ACAN: variants seen among roughly 807,000 people sequenced by gnomAD.
ACAN encodes aggrecan.
In ACAN, 47 loss-of-function variants were observed where a neutral mutation model predicts 169.1. The ratio of observed to expected loss-of-function variants is 0.28; its 90% confidence interval spans 0.22 to 0.35. The LOEUF is 0.35. Among genes scored for constraint, ACAN ranks in the 10% least tolerant of loss-of-function variants. ACAN has a pLI of 1.00. For missense variants in ACAN, 2,716 were observed against 2,759.9 expected (o/e 0.98, Z 0.36); for synonymous variants, 1,115 against 1,112.2 (o/e 1.00, Z -0.05).
Position 88,839,207 on chromosome 15 carries a change from T to C in ACAN, c.454+161T>C, listed in dbSNP as rs1896588041. Among the ~76,000 whole-genome samples the C allele has an allele frequency of 6.6e-6, 1 of 152,244 alleles. No individual in the cohort carries two copies. The highest frequency in any genetic ancestry group is 6.5e-5 in the Admixed American group (1 of 15,288). On this transcript the variant is annotated intron_variant, in intron 3 of 18. Coordinates refer to ENST00000560601, the MANE Select transcript of ACAN (RefSeq NM_001369268.1). This position sits in a 1 kb window ranked among gnomAD's most constrained non-coding sequence, Gnocchi z 4.5. ...TGCTTCCTCTGTGACATGGAGCTGG[T>C]AATATCATTCTCTCTGGACTTAGGG...
Position 88,855,522 on chromosome 15 carries a change from A to C in ACAN, c.2937A>C (p.Gly979=), listed in dbSNP as rs1401929321. The change falls in exon 12 of 19, where the codon GGA becomes GGC. Residue 979 remains glycine, a synonymous_variant. Transcript: ENST00000560601. ...GVGDLSGLPS[G]EVLETTAPGV... is the part of the protein sequence containing the mutation. The stretch of plus-strand genomic sequence containing the variant: ...GAGACCTCAGTGGGCTTCCTTCTGG[A>C]GAAGTTCTAGAGACCACTGCCCCTG... The C allele has an allele frequency of 6.2e-7, 1 of 1,613,568 alleles. No homozygotes were observed. The highest frequency in any genetic ancestry group is 8.5e-7 in the Non-Finnish European group (1 of 1,179,868).
intron 1 of ACAN, among the ~76,000 whole-genome samples, chr15:88,808,182 C>A (rs984348077): frequency 6.6e-6 from 1 of 152,214 alleles, no homozygotes; most frequent in Non-Finnish European, 1.5e-5. Flanking sequence ...GTCCCCAGAT[C>A]ACAGATGCCC....
intron 4 of ACAN, among the ~76,000 whole-genome samples, chr15:88,840,942 A>G (rs1896641165): frequency 6.6e-6 from 1 of 152,118 alleles, no homozygotes; most frequent in African/African-American, 2.4e-5. Context: ...CAGGAGATCG[A>G]GACCATCCTA....
chr15:88,820,540 T>G (rs1186755470), intron 1 of ACAN, among the ~76,000 whole-genome samples: 1 of 152,206 alleles, frequency 6.6e-6, no homozygotes, highest in Non-Finnish European at 1.5e-5. Flanking sequence ...CACTTGGACC[T>G]GCTCCTTTCT....
chr15:88,849,907 G>A lies in ACAN; in HGVS notation c.2026+176G>A. The A allele has an allele frequency of 2.2e-6, 2 of 897,456 alleles. No homozygotes were observed. Among genetic ancestry groups the A allele is most frequent in the South Asian group, 2.8e-5 (2 of 71,200 alleles). The allele number at this position is 897,456 out of a possible 1,614,324, so 55.6% of individuals were successfully genotyped here. A position where few individuals can be genotyped will look rare whatever the true frequency, so the allele number is the denominator to read the frequency against. On this transcript the variant is annotated intron_variant, in intron 10 of 18. Coordinates refer to ENST00000560601, the MANE Select transcript of ACAN (RefSeq NM_001369268.1). This position sits in a 1 kb window ranked among gnomAD's most constrained non-coding sequence, Gnocchi z 5.1. ...ACGCAGGCTTTGACCCCAAGGCAAG[G>A]TCATCCTTCTAAAGTTCCCCAGAGA...
At chr15:88,806,247 C>T (rs1895679122) in intron 1 of ACAN, among the ~76,000 whole-genome samples, 1 of 152,234 alleles carries the variant, frequency 6.6e-6, no homozygotes, top group Non-Finnish European at 1.5e-5. Flanking sequence ...TCTCCTCTAA[C>T]AGCTCCTAAG....
chr15:88,806,132 C>A (rs536493054), intron 1 of ACAN, among the ~76,000 whole-genome samples: 2 of 152,262 alleles, frequency 1.3e-5, no homozygotes, highest in South Asian at 4.2e-4. Flanking sequence ...TTCCTCTTCT[C>A]TAAAAAGGGG....
chr15:88,873,692 G>A lies in ACAN; in HGVS notation c.7448-150G>A, dbSNP rs184795802. The A allele has an allele frequency of 2.2e-4, 171 of 760,476 alleles. 2 individuals are homozygous for A. Among genetic ancestry groups the A allele is most frequent in the African/African-American group, 2.2e-3 (125 of 56,942 alleles). 47.1% of individuals were successfully genotyped at this position (760,476 alleles called of 1,614,324 possible). The stretch of plus-strand genomic sequence containing the variant: ...GAGGAACCCAGATGTTACAGCCAGC[G>A]GCTTCCAGATTCTTAGCGCTGCATG... On this transcript the variant is annotated intron_variant, in intron 17 of 18. Transcript: ENST00000560601. The surrounding 1 kb of genome is among the most constrained non-coding windows in gnomAD (Gnocchi z 7.5).
rs562007837 is a variant in ACAN, at chr15:88,869,652, G to A, written c.7060+1323G>A. ...GTTCCAGACTGGAAAAGTGGGCTCT[G>A]CTGGAATGGAGGCAGGACCCTCACA... On this transcript the variant is annotated intron_variant, in intron 14 of 18. Transcript: ENST00000560601. This position sits in a 1 kb window ranked among gnomAD's most constrained non-coding sequence, Gnocchi z 4.2. Among the ~76,000 whole-genome samples, 1 of 152,156 alleles carries A rather than the reference G, an allele frequency of 6.6e-6. No homozygotes were observed. The highest frequency in any genetic ancestry group is 1.5e-5 in the Non-Finnish European group (1 of 68,036).
Position 88,858,564 on chromosome 15 carries a change from G to A in ACAN, c.5979G>A (p.Glu1993=), listed in dbSNP as rs774599873. The A allele has an allele frequency of 6.2e-7, 1 of 1,613,772 alleles. No homozygotes were observed. Among genetic ancestry groups the A allele is most frequent in the South Asian group, 1.1e-5 (1 of 91,088 alleles). The change falls in exon 12 of 19, where the codon GAG becomes GAA. Residue 1993 remains glutamate, a synonymous_variant. Transcript: ENST00000560601. The surrounding 1 kb of genome is among the most constrained non-coding windows in gnomAD (Gnocchi z 4.0). ...DLSGLQSGLI[E]PSGEPPGTPY... ...GTGGGCTGCAGTCCGGGCTGATAGA[G>A]CCCAGCGGAGAGCCACCAGGTACTC... is the stretch of plus-strand genomic sequence containing the variant.
At chr15:88,824,730 T>C (rs1896167445) in intron 1 of ACAN, among the ~76,000 whole-genome samples, 1 of 151,896 alleles carries the variant, frequency 6.6e-6, no homozygotes, top group South Asian at 2.1e-4. Context: ...AATACAAAAA[T>C]TAGCCAGACA....
rs754400446 is a variant in ACAN at position 88,868,849 on chromosome 15, G to C, written c.7060+520G>C. ...CTGAGATCTCCCGTGTCATCAGCAT[G>C]CTCAAGTCATGCATGAGCAAGGACT... On this transcript the variant is annotated intron_variant, in intron 14 of 18. Transcript: ENST00000560601. This position sits in a 1 kb window ranked among gnomAD's most constrained non-coding sequence, Gnocchi z 5.2. 3.3e-5 allele frequency among the ~76,000 whole-genome samples: 5 copies of C among 152,200 alleles called. No homozygotes were observed. Among genetic ancestry groups the C allele is most frequent in the Non-Finnish European group, 7.3e-5 (5 of 68,038 alleles).
Position 88,857,362 on chromosome 15 carries a change from AAAG to A in ACAN, c.4782_4784del (p.Glu1594del), listed in dbSNP as rs765715449. On this transcript the variant is annotated inframe_deletion, in exon 12 of 19. Coordinates refer to ENST00000560601, the MANE Select transcript of ACAN (RefSeq NM_001369268.1). ...GGACCTCAGTGGGTTGCCTTCTGGA[AAAG>A]AAGACTTGGTGGGGTCAGCTTCTGG... 1 of 1,613,932 alleles carries A rather than the reference AAAG, an allele frequency of 6.2e-7. No homozygotes were observed. Among genetic ancestry groups the A allele is most frequent in the South Asian group, 1.1e-5 (1 of 91,080 alleles).
chr15:88,810,186 G>T (rs1895785356), intron 1 of ACAN, among the ~76,000 whole-genome samples: 1 of 152,028 alleles, frequency 6.6e-6, no homozygotes, highest in Non-Finnish European at 1.5e-5. Flanking sequence ...CACCACGCAG[G>T]TCCCATTCCA....
intron 13 of ACAN, among the ~76,000 whole-genome samples, chr15:88,864,370 C>A (rs930511767): frequency 5.3e-5 from 8 of 151,772 alleles, no homozygotes; most frequent in African/African-American, 1.9e-4. Flanking sequence ...TGGGTTCAAG[C>A]GATTCTCCTG....
At position 88,874,917 on chromosome 15, in the gene ACAN, C is replaced by T. The variant is rs1270791796; in HGVS notation, c.*436C>T. 1 of 338,806 alleles carries T rather than the reference C, an allele frequency of 3.0e-6. No individual in the cohort carries two copies. Among genetic ancestry groups the T allele is most frequent in the African/African-American group, 2.2e-5 (1 of 46,466 alleles). 21.0% of individuals were successfully genotyped at this position (338,806 alleles called of 1,614,324 possible). On this transcript the variant is annotated 3_prime_UTR_variant, in exon 19 of 19. Coordinates refer to ENST00000560601, the MANE Select transcript of ACAN (RefSeq NM_001369268.1). The surrounding 1 kb of genome is among the most constrained non-coding windows in gnomAD (Gnocchi z 7.3). ...AGGAGGGAGGAGGGCTCCAAAGGAG[C>T]TGGAAGGAGCAGAGGCCTGAGAGCA... is the stretch of plus-strand genomic sequence containing the variant.
Position 88,874,306 on chromosome 15 carries a change from G to A in ACAN, c.7631-99G>A. 4.0e-6 allele frequency: 5 copies of A among 1,262,198 alleles called. No homozygotes were observed. Among genetic ancestry groups the A allele is most frequent in the Non-Finnish European group, 5.6e-6 (5 of 885,732 alleles). The allele number at this position is 1,262,198 out of a possible 1,614,324, so 78.2% of individuals were successfully genotyped here. A position where few individuals can be genotyped will look rare whatever the true frequency, so the allele number is the denominator to read the frequency against. On this transcript the variant is annotated intron_variant, in intron 18 of 18. Coordinates refer to ENST00000560601, the MANE Select transcript of ACAN (RefSeq NM_001369268.1). This position sits in a 1 kb window ranked among gnomAD's most constrained non-coding sequence, Gnocchi z 7.3. The stretch of plus-strand genomic sequence containing the variant: ...ATAAAGCCTCAGGCGCCTGAGTCCT[G>A]GTTTCCACAAGGGAGAGAGGGTAGT...
Position 88,868,049 on chromosome 15 carries a change from G to C in ACAN, c.6947-167G>C, listed in dbSNP as rs764280702. Reference sequence around the variant, plus strand: ...CTGGATCTTTGCTTCAGCACTCCAAGATGGCAGCAGCAGCAGCAGCAGCAG... The same window carrying C: ...CTGGATCTTTGCTTCAGCACTCCAACATGGCAGCAGCAGCAGCAGCAGCAG... On this transcript the variant is annotated intron_variant, in intron 13 of 18. Coordinates refer to ENST00000560601, the MANE Select transcript of ACAN (RefSeq NM_001369268.1). This position sits in a 1 kb window ranked among gnomAD's most constrained non-coding sequence, Gnocchi z 5.2. 3.3e-5 allele frequency among the ~76,000 whole-genome samples: 5 copies of C among 152,102 alleles called. No homozygotes were observed. The highest frequency in any genetic ancestry group is 7.3e-5 in the Non-Finnish European group (5 of 68,036).
At chr15:88,825,118 G>A (rs1289632644) in intron 1 of ACAN, among the ~76,000 whole-genome samples, 1 of 152,160 alleles carries the variant, frequency 6.6e-6, no homozygotes, top group East Asian at 1.9e-4. Flanking sequence ...GGGGTTGAGG[G>A]TTTGGGGAAT....
Sources: allele counts gnomAD v4.1 joint callset (sites outside exome capture counted in the v4.1 genomes callset), GRCh38; gene constraint gnomAD v4.1.1; non-coding constraint Gnocchi (gnomAD v3.1); transcripts MANE v1.5; gene names NCBI Gene and HGNC (gene_info 2026-07-23, HGNC 2026-07-21).